Variants in TOP1MT observed in about 807,000 individuals in gnomAD.
The protein encoded by TOP1MT is DNA topoisomerase I, mitochondrial.
TOP1MT carries 80 observed loss-of-function variants against 73.9 expected under a neutral mutation model. The ratio of observed to expected loss-of-function variants is 1.08; its 90% CI spans 0.90 to 1.30. The LOEUF (loss-of-function observed/expected upper bound fraction) is 1.30, where lower values mean the gene tolerates loss of function less well. TOP1MT is among the 50% of genes most tolerant of loss of function. TOP1MT has a pLI of 0.00. For synonymous variants in TOP1MT, 338 were observed against 326.4 expected (o/e 1.04, Z -0.38); for missense variants, 815 against 808.0 (o/e 1.01, Z -0.10).
rs1236472414 is a variant in TOP1MT at position 143,322,465 on chromosome 8, AGGCACGCCAC to A, written c.961-1089_961-1080del. Reference sequence around the variant, plus strand: ...CACGCCACACACAGGCATGCCACACAGGCACGCCACACAGGCACGCCACACGCACGCCACA... The same window carrying A: ...CACGCCACACACAGGCATGCCACACAACAGGCACGCCACACGCACGCCACA... On this transcript the variant is annotated intron_variant, in intron 7 of 13. Coordinates refer to ENST00000329245, the MANE Select transcript of TOP1MT (RefSeq NM_052963.3). Among the ~76,000 whole-genome samples the A allele has an allele frequency of 1.1e-4, 11 of 96,498 alleles. No individual in the cohort carries two copies. The South Asian group carries it at 2.8e-3, about 24-fold the overall frequency. 63.3% of individuals were successfully genotyped at this position (96,498 alleles called of 152,430 possible). A position where few individuals can be genotyped will look rare whatever the true frequency, so the allele number is the denominator to read the frequency against.
chr8:143,359,163 C>A (rs548640342), upstream of TOP1MT: 224 of 941,072 alleles, frequency 2.4e-4, no homozygotes, highest in African/African-American at 3.9e-3. Flanking sequence ...ATTTTGAATG[C>A]TGCATAGAGA....
chr8:143,330,356 T>C (rs1435379851), intron 2 of TOP1MT, among the ~76,000 whole-genome samples: 1 of 152,224 alleles, frequency 6.6e-6, no homozygotes, highest in Non-Finnish European at 1.5e-5. Context: ...AGGCAGCCGC[T>C]ACACCAGGCC....
At chr8:143,312,991 T>C (rs1186165173) in intron 12 of TOP1MT, among the ~76,000 whole-genome samples, 2 of 152,060 alleles carry the variant, frequency 1.3e-5, no homozygotes, top group African/African-American at 2.4e-5. Context: ...GGCGGGAGGA[T>C]TGCTTGAGCC....
At chr8:143,312,080 G>A (rs1330702008) in intron 12 of TOP1MT, among the ~76,000 whole-genome samples, 2 of 152,178 alleles carry the variant, frequency 1.3e-5, no homozygotes, top group African/African-American at 4.8e-5. Context: ...TATAGTCTCA[G>A]CTATTCAGGA....
At chr8:143,342,070 G>A (rs191849210) in intron 2 of TOP1MT, among the ~76,000 whole-genome samples, 3 of 124,596 alleles carry the variant, frequency 2.4e-5, no homozygotes, top group Admixed American at 7.3e-5. Context: ...ACAGAGTCTC[G>A]CTCTGTTATT....
chr8:143,327,626 C>A, intron 3 of TOP1MT: 1 of 261,080 alleles, frequency 3.8e-6, no homozygotes, highest in Non-Finnish European at 7.9e-6. Context: ...CACTCCTGTT[C>A]TGCTGCTTTG....
At chr8:143,354,194 A>G (rs1817368349) in intron 1 of TOP1MT, among the ~76,000 whole-genome samples, 1 of 152,048 alleles carries the variant, frequency 6.6e-6, no homozygotes, top group African/African-American at 2.4e-5. Flanking sequence ...CGAATCCCAG[A>G]TATACACGCA....
At chr8:143,346,961 A>C (rs141471141), upstream of TOP1MT, among the ~76,000 whole-genome samples, 370 of 142,228 alleles carry the variant, frequency 2.6e-3, 1 homozygote, top group African/African-American at 7.7e-3. Context: ...TTCTTTATTT[A>C]TTTATTTATT....
chr8:143,328,529 C>G (rs548728239), intron 3 of TOP1MT, among the ~76,000 whole-genome samples: 1 of 152,362 alleles, frequency 6.6e-6, no homozygotes, highest in Admixed American at 6.5e-5. Context: ...GCCTCGCACC[C>G]GCGGCAGGCG....
At chr8:143,346,063 G>A (rs866108989), upstream of TOP1MT, among the ~76,000 whole-genome samples, 22 of 152,242 alleles carry the variant, frequency 1.4e-4, no homozygotes, top group South Asian at 8.3e-4. Flanking sequence ...CTGTCAACGA[G>A]TACAGTTTAT....
chr8:143,342,775 T>TA (rs1817147279), intron 2 of TOP1MT, among the ~76,000 whole-genome samples: 2 of 43,502 alleles, frequency 4.6e-5, no homozygotes, highest in Non-Finnish European at 1.4e-4. Flanking sequence ...AGAGTCTTGC[T>TA]CTATTATTAT....
intron 13 of TOP1MT, chr8:143,309,752 G>A (rs1180038632): frequency 8.5e-6 from 13 of 1,533,826 alleles, no homozygotes; most frequent in Non-Finnish European, 1.0e-5. Flanking sequence ...ACCTGCTGTG[G>A]CCTAGGTGTC....
At chr8:143,335,003 C>T, upstream of TOP1MT, 4 of 897,818 alleles carry the variant, frequency 4.5e-6, no homozygotes, top group Non-Finnish European at 5.7e-6. Context: ...TCTAAGCCTG[C>T]ACGGGGCTGC....
intron 10 of TOP1MT, among the ~76,000 whole-genome samples, chr8:143,316,407 C>A (rs1488944745): frequency 2.0e-5 from 3 of 152,138 alleles, no homozygotes; most frequent in Non-Finnish European, 4.4e-5. Flanking sequence ...GAGGCCCAGC[C>A]GCCTGGACGG....
chr8:143,351,301 G>T (rs912717431), intron 1 of TOP1MT, among the ~76,000 whole-genome samples: 1 of 152,094 alleles, frequency 6.6e-6, no homozygotes, highest in Admixed American at 6.6e-5. Context: ...GGCCAGGTGC[G>T]GTGGCTCAGG....
upstream of TOP1MT, among the ~76,000 whole-genome samples, chr8:143,357,673 G>A (rs554244286): frequency 6.6e-4 from 100 of 152,270 alleles, no homozygotes; most frequent in African/African-American, 2.3e-3. Context: ...TGTAATCCCA[G>A]CACTTTAGGA....
intron 2 of TOP1MT, chr8:143,343,087 T>C: frequency 2.3e-6 from 1 of 435,124 alleles, no homozygotes; most frequent in South Asian, 1.6e-5. Context: ...CATAAAATCT[T>C]AGAAGAAAAT....
chr8:143,355,271 TG>T (rs2130478953), intron 1 of TOP1MT: 1 of 152,336 alleles, frequency 6.6e-6, no homozygotes, highest in African/African-American at 2.4e-5. Context: ...AGTTCATCTA[TG>T]GAAACCTTAC....
At position 143,353,963 on chromosome 8, in the gene TOP1MT, C is replaced by CAAAAAAAAAAAAAAAAA. The variant is rs1186472770; in HGVS notation, c.-39+1985_-39+2001dup. 4.2e-5 allele frequency among the ~76,000 whole-genome samples: 2 copies of CAAAAAAAAAAAAAAAAA among 47,606 alleles called. 1 individual carries two copies. The highest frequency in any genetic ancestry group is 2.1e-4 in the African/African-American group (2 of 9,360). 31.2% of individuals were successfully genotyped at this position (47,606 alleles called of 152,430 possible). On this transcript the variant is annotated intron_variant, in intron 1 of 5. Transcript: ENST00000518760. ...TGGGCGACAAAGAGAGACTCCATCC[C>CAAAAAAAAAAAAAAAAA]AAAAAAAAAAAAAAAAAAAAAAAAA...
Sources: allele counts gnomAD v4.1 joint callset (sites outside exome capture counted in the v4.1 genomes callset), GRCh38; gene constraint gnomAD v4.1.1; transcripts MANE v1.5; gene names NCBI Gene and HGNC (gene_info 2026-07-23, HGNC 2026-07-21).